GRID2: variants seen among roughly 807,000 people sequenced by gnomAD.
GRID2 encodes glutamate receptor ionotropic, delta-2.
Under a neutral mutation model 114.8 loss-of-function variants are expected in GRID2, and 33 were observed. The ratio of observed to expected loss-of-function variants is 0.29; its 90% confidence interval spans 0.22 to 0.38. The LOEUF (loss-of-function observed/expected upper bound fraction) is 0.38, where lower values mean the gene tolerates loss of function less well. Ranked by LOEUF, GRID2 falls within the 10% of genes least tolerant of loss-of-function variation. The pLI is 1.00. For synonymous variants in GRID2, 505 were observed against 449.9 expected (o/e 1.12, Z -1.55); for missense variants, 1,184 against 1,257.7 (o/e 0.94, Z 0.89).
chr4:93,076,807 G>A (rs529823595), intron 2 of GRID2, among the ~76,000 whole-genome samples: 1 of 151,448 alleles, frequency 6.6e-6, no homozygotes, highest in East Asian at 1.9e-4. Context: ...TAGTAGAGAC[G>A]GGGTATCACC....
intron 4 of GRID2, among the ~76,000 whole-genome samples, chr4:93,156,969 T>C (rs1280374881): frequency 6.6e-6 from 1 of 151,746 alleles, no homozygotes; most frequent in African/African-American, 2.4e-5. Flanking sequence ...TGGACACAAT[T>C]AAGCATCATA....
chr4:92,947,162 G>A (rs183000465), intron 2 of GRID2, among the ~76,000 whole-genome samples: 324 of 151,938 alleles, frequency 2.1e-3, no homozygotes, highest in African/African-American at 7.3e-3. Context: ...CACAGTCTTG[G>A]GTAAACTGAT....
At chr4:92,734,576 G>T (rs1046166516) in intron 2 of GRID2, among the ~76,000 whole-genome samples, 2 of 151,462 alleles carry the variant, frequency 1.3e-5, no homozygotes, top group Non-Finnish European at 2.9e-5. Flanking sequence ...GAACCACCTC[G>T]CCCAGCCTTA....
chr4:93,566,122 G>A (rs1735388830), intron 13 of GRID2, among the ~76,000 whole-genome samples: 1 of 152,068 alleles, frequency 6.6e-6, no homozygotes, highest in Non-Finnish European at 1.5e-5. Context: ...CACAAGCGAA[G>A]AACCCAAACA....
chr4:92,589,013 G>A (rs1560475494), intron 1 of GRID2, among the ~76,000 whole-genome samples: 1 of 152,038 alleles, frequency 6.6e-6, no homozygotes, highest in Non-Finnish European at 1.5e-5. Context: ...GGCTGAGGCC[G>A]GAGAAGGGCT....
At chr4:93,286,677 A>ATGTGTGTGTGTGTGGGGG (rs1561086859) in intron 8 of GRID2, among the ~76,000 whole-genome samples, 1 of 54,904 alleles carries the variant, frequency 1.8e-5, no homozygotes, top group Non-Finnish European at 4.0e-5. Context: ...GCTTTTGTGT[A>ATGTGTGTGTGTGTGGGGG]TGTGTGTGTG....
At chr4:93,107,042 G>C (rs931256659) in intron 3 of GRID2, among the ~76,000 whole-genome samples, 4 of 152,156 alleles carry the variant, frequency 2.6e-5, no homozygotes, top group African/African-American at 9.7e-5. Flanking sequence ...GCTTATGCCT[G>C]TAATCCAAGC....
intron 1 of GRID2, among the ~76,000 whole-genome samples, chr4:92,356,087 C>T (rs1177919835): frequency 1.3e-5 from 2 of 151,394 alleles, no homozygotes; most frequent in Non-Finnish European, 3.0e-5. Context: ...CATTTTATTT[C>T]TTTTATTGAG....
At chr4:92,682,054 C>T (rs1162635424) in intron 2 of GRID2, among the ~76,000 whole-genome samples, 3 of 149,012 alleles carry the variant, frequency 2.0e-5, no homozygotes, top group South Asian at 2.1e-4. Context: ...ATCTTTGAGG[C>T]CATTGGAGGT....
chr4:92,444,778 C>A (rs1733359257), intron 1 of GRID2, among the ~76,000 whole-genome samples: 1 of 152,196 alleles, frequency 6.6e-6, no homozygotes, highest in Non-Finnish European at 1.5e-5. Flanking sequence ...AAATTTAGCA[C>A]ATGTGGACAG....
chr4:92,754,741 G>A (rs1737627316), intron 2 of GRID2, among the ~76,000 whole-genome samples: 1 of 152,150 alleles, frequency 6.6e-6, no homozygotes, highest in African/African-American at 2.4e-5. Flanking sequence ...ATGACCATTT[G>A]GGAAAGGGTC....
At chr4:92,622,050 G>A (rs185833031) in intron 2 of GRID2, among the ~76,000 whole-genome samples, 1 of 151,642 alleles carries the variant, frequency 6.6e-6, no homozygotes, top group African/African-American at 2.4e-5. Flanking sequence ...CATGTGGAGT[G>A]GTTATAATAA....
chr4:93,345,031 T>C (rs886599018), intron 8 of GRID2, among the ~76,000 whole-genome samples: 2 of 149,758 alleles, frequency 1.3e-5, no homozygotes, highest in African/African-American at 4.9e-5. Flanking sequence ...GTAGCTCACA[T>C]TTTCTTCATT....
chr4:92,349,429 C>G (rs1003044676), intron 1 of GRID2, among the ~76,000 whole-genome samples: 1 of 151,562 alleles, frequency 6.6e-6, no homozygotes, highest in African/African-American at 2.4e-5. Context: ...CAGATATTAA[C>G]TATACATATT....
intron 2 of GRID2, among the ~76,000 whole-genome samples, chr4:92,673,514 G>A (rs780137419): frequency 6.6e-6 from 1 of 152,058 alleles, no homozygotes; most frequent in East Asian, 1.9e-4. Context: ...TTCCCTCTAC[G>A]CTTAAGGAGT....
At chr4:92,968,723 A>C (rs1384032435) in intron 2 of GRID2, among the ~76,000 whole-genome samples, 2 of 151,864 alleles carry the variant, frequency 1.3e-5, no homozygotes, top group Non-Finnish European at 2.9e-5. Flanking sequence ...CTTCATGCCC[A>C]TTAATAGTCA....
At chr4:93,121,557 C>T (rs1379350060) in intron 4 of GRID2, among the ~76,000 whole-genome samples, 1 of 152,002 alleles carries the variant, frequency 6.6e-6, no homozygotes, top group African/African-American at 2.4e-5. Context: ...TTATATACTT[C>T]TGTTGATGAT....
At chr4:93,238,193 G>A (rs1310768538) in intron 7 of GRID2, among the ~76,000 whole-genome samples, 178 bp from the exon 8 acceptor site, 3 of 151,782 alleles carry the variant, frequency 2.0e-5, no homozygotes, top group Non-Finnish European at 4.4e-5. Context: ...TCCAAAGTTA[G>A]GTTCAACTGT....
At chr4:92,637,093 ATAT>A (rs895942085) in intron 2 of GRID2, among the ~76,000 whole-genome samples, 6 of 151,936 alleles carry the variant, frequency 3.9e-5, no homozygotes, top group African/African-American at 1.4e-4. Flanking sequence ...TAATTCTTTA[ATAT>A]TACACAAATA....
Sources: gnomAD v4.1 joint callset for allele counts (sites outside exome capture counted in the v4.1 genomes callset) on GRCh38, gnomAD v4.1.1 for gene constraint, MANE v1.5 for transcripts, NCBI Gene and HGNC (gene_info 2026-07-23, HGNC 2026-07-21) for gene names.